PTPRD: variants seen among roughly 807,000 people sequenced by gnomAD.
PTPRD encodes receptor-type tyrosine-protein phosphatase delta.
PTPRD carries 34 observed loss-of-function variants against 214.5 expected under a neutral mutation model. That is an observed-to-expected ratio of 0.16 (90% CI 0.12 to 0.21). PTPRD has a LOEUF of 0.21. Among genes scored for constraint, PTPRD ranks in the 10% least tolerant of loss-of-function variants. The probability of loss-of-function intolerance (pLI) is 1.00; values close to 1 mark genes in which losing one functional copy is unlikely to be tolerated. For missense variants in PTPRD, 2,545 were observed against 2,398.7 expected, an observed-to-expected ratio of 1.06 and a Z score of -1.27; for synonymous variants, 1,128 against 845.7, an observed-to-expected ratio of 1.33 and a Z score of -5.79.
At chr9:10,498,458 C>G (rs1291040744) in intron 2 of PTPRD, among the ~76,000 whole-genome samples, 1 of 151,758 alleles carries the variant, frequency 6.6e-6, no homozygotes, top group Non-Finnish European at 1.5e-5. Context: ...ATTGGTTATA[C>G]CACATTAAAG....
At chr9:9,469,753 T>G (rs2094465570) in intron 8 of PTPRD, among the ~76,000 whole-genome samples, 1 of 152,186 alleles carries the variant, frequency 6.6e-6, no homozygotes, top group Non-Finnish European at 1.5e-5. Context: ...CTGCCTGGGC[T>G]TCCTAAGGGA....
intron 8 of PTPRD, among the ~76,000 whole-genome samples, chr9:9,406,188 A>G (rs1263560908): frequency 6.6e-6 from 1 of 151,994 alleles, no homozygotes; most frequent in African/African-American, 2.4e-5. Flanking sequence ...CATTAAAATT[A>G]TCACCTGAAA....
chr9:8,932,918 T>A (rs1359948937), intron 11 of PTPRD, among the ~76,000 whole-genome samples: 4 of 152,050 alleles, frequency 2.6e-5, no homozygotes, highest in African/African-American at 9.7e-5. Context: ...CACTGAGGTA[T>A]GAAAAACTCC....
intron 11 of PTPRD, among the ~76,000 whole-genome samples, chr9:8,911,415 T>TGTTGTGTGTGTG (rs1555510111): frequency 0.025 from 3,180 of 127,186 alleles, 51 homozygotes; most frequent in South Asian, 0.093. Context: ...TGTGTGTGTG[T>TGTTGTGTGTGTG]TGTGTGTGTG....
chr9:9,220,105 C>T (rs1369754948), intron 9 of PTPRD, among the ~76,000 whole-genome samples: 1 of 151,978 alleles, frequency 6.6e-6, no homozygotes, highest in African/African-American at 2.4e-5. Context: ...TGCTGTGAAC[C>T]TTTTCCTTTA....
At chr9:8,689,755 T>C (rs2097764855) in intron 12 of PTPRD, among the ~76,000 whole-genome samples, 1 of 152,206 alleles carries the variant, frequency 6.6e-6, no homozygotes, top group Non-Finnish European at 1.5e-5. Flanking sequence ...ATCTCTTCTT[T>C]AGAATATTAC....
intron 2 of PTPRD, among the ~76,000 whole-genome samples, chr9:10,351,206 A>G (rs7044260): frequency 0.11 from 16,852 of 152,148 alleles, 1,867 homozygotes; most frequent in African/African-American, 0.28. Context: ...CTCAGTTGTA[A>G]ATTTTTTTTT....
intron 21 of PTPRD, among the ~76,000 whole-genome samples, chr9:8,513,396 C>T (rs1312369836): frequency 6.6e-6 from 1 of 152,042 alleles, no homozygotes; most frequent in African/African-American, 2.4e-5. Context: ...AGACTTCTCT[C>T]TTAAACTCAC....
At chr9:10,360,951 A>C (rs989048570) in intron 2 of PTPRD, among the ~76,000 whole-genome samples, 2 of 152,002 alleles carry the variant, frequency 1.3e-5, no homozygotes, top group Non-Finnish European at 2.9e-5. Context: ...AAATACAAAA[A>C]ATTAGCCGGG....
At chr9:9,384,368 T>C (rs2063242120) in intron 9 of PTPRD, among the ~76,000 whole-genome samples, 1 of 104,790 alleles carries the variant, frequency 9.5e-6, no homozygotes, top group African/African-American at 3.7e-5. Context: ...TTTTTTTTTT[T>C]TTTTTTTTTT....
chr9:9,351,857 C>T lies in PTPRD; in HGVS notation c.-203+45592G>A, dbSNP rs138037986. ...CTCTCTGTGCCTCCATTTCTGTATC[C>T]GTCCATTGGAGATAACATGAATATC... On this transcript the variant is annotated intron_variant, in intron 9 of 45. Coordinates refer to ENST00000381196, the MANE Select transcript of PTPRD (RefSeq NM_002839.4). Among the ~76,000 whole-genome samples the T allele has an allele frequency of 1.8e-3, 269 of 152,012 alleles. 1 individual carries two copies. Among genetic ancestry groups the T allele is most frequent in the African/African-American group, 6.1e-3 (254 of 41,468 alleles).
intron 5 of PTPRD, chr9:9,799,357 G>T (rs2099023888): frequency 6.6e-6 from 1 of 152,158 alleles, no homozygotes; most frequent in Non-Finnish European, 1.5e-5. Flanking sequence ...ACTGGAATTT[G>T]AAAGTCTTCA....
chr9:10,321,731 G>A (rs1332580221), intron 3 of PTPRD, among the ~76,000 whole-genome samples: 1 of 151,998 alleles, frequency 6.6e-6, no homozygotes, highest in East Asian at 1.9e-4. Context: ...ATTTATGTTT[G>A]AAACTGCCAC....
At chr9:9,667,236 C>A (rs2096741138) in intron 7 of PTPRD, among the ~76,000 whole-genome samples, 1 of 152,064 alleles carries the variant, frequency 6.6e-6, no homozygotes, top group South Asian at 2.1e-4. Context: ...ATCATTTCCA[C>A]CTCTATCAAA....
chr9:9,380,215 A>T (rs2140269987), intron 9 of PTPRD, among the ~76,000 whole-genome samples: 1 of 152,194 alleles, frequency 6.6e-6, no homozygotes, highest in East Asian at 1.9e-4. Context: ...ATCATGCTAG[A>T]CATCTCTCTA....
intron 34 of PTPRD, among the ~76,000 whole-genome samples, chr9:8,439,597 C>G (rs143466451): frequency 2.0e-5 from 3 of 151,802 alleles, no homozygotes; most frequent in African/African-American, 7.3e-5. Flanking sequence ...CAGAAAAGAC[C>G]GAATGTCGGC....
intron 35 of PTPRD, among the ~76,000 whole-genome samples, chr9:8,411,656 A>G (rs914732099): frequency 5.3e-5 from 8 of 152,306 alleles, no homozygotes; most frequent in African/African-American, 1.9e-4. Context: ...TACTAAATGC[A>G]GAAGAAAGAC....
chr9:9,698,704 C>A (rs927787200), intron 7 of PTPRD, among the ~76,000 whole-genome samples: 1 of 152,150 alleles, frequency 6.6e-6, no homozygotes, highest in Non-Finnish European at 1.5e-5. Context: ...AGGTCTCCTG[C>A]CAGTGCACCC....
At chr9:9,937,288 T>G (rs1041789436) in intron 5 of PTPRD, among the ~76,000 whole-genome samples, 4 of 151,614 alleles carry the variant, frequency 2.6e-5, no homozygotes, top group African/African-American at 9.7e-5. Context: ...CTTTTATCTT[T>G]TTTCTCTATA....
Sources: gnomAD v4.1 joint callset for allele counts (sites outside exome capture counted in the v4.1 genomes callset) on GRCh38, gnomAD v4.1.1 for gene constraint, MANE v1.5 for transcripts, NCBI Gene and HGNC (gene_info 2026-07-23, HGNC 2026-07-21) for gene names.